Variants in POPDC3 observed in about 807,000 individuals in gnomAD.
POPDC3 encodes popeye domain-containing protein 3.
Under a neutral mutation model 28.2 loss-of-function variants are expected in POPDC3, and 20 were observed. The ratio of observed to expected loss-of-function variants is 0.71; its 90% CI spans 0.50 to 1.03. The LOEUF (loss-of-function observed/expected upper bound fraction) is 1.03, where lower values mean the gene tolerates loss of function less well. Ranked by LOEUF, POPDC3 falls within the 50% of genes least tolerant of loss-of-function variation. The pLI is 0.00. For synonymous variants in POPDC3, 118 were observed against 124.1 expected (o/e 0.95, Z 0.33); for missense variants, 316 against 345.9 (o/e 0.91, Z 0.69).
chr6:105,179,936 C>A lies in POPDC3; in HGVS notation c.-355G>T, dbSNP rs2787113. 1 of 150,036 alleles carries A rather than the reference C, an allele frequency of 6.7e-6. No individual in the cohort carries two copies. Among genetic ancestry groups the A allele is most frequent in the Non-Finnish European group, 1.5e-5 (1 of 67,478 alleles). The allele number at this position is 150,036 out of a possible 1,614,324, so 9.3% of individuals were successfully genotyped here. A position where few individuals can be genotyped will look rare whatever the true frequency, so the allele number is the denominator to read the frequency against. On this transcript the variant is annotated 5_prime_UTR_variant, in exon 1 of 4. Transcript: ENST00000254765. ...GCCCGCGCGGAAGCCCTCAGCGTCC[C>A]CCTCGTGAGTGCCTCGCCGCCCACC... is the stretch of plus-strand genomic sequence containing the variant.
intron 1 of POPDC3, among the ~76,000 whole-genome samples, chr6:105,162,683 T>G (rs926855165): frequency 2.0e-5 from 3 of 152,202 alleles, no homozygotes; most frequent in African/African-American, 7.2e-5. Flanking sequence ...TGAGCCGAGA[T>G]CATCTTACCA....
chr6:105,173,756 TAAC>T (rs920933087), intron 1 of POPDC3, among the ~76,000 whole-genome samples: 2 of 151,642 alleles, frequency 1.3e-5, no homozygotes, highest in African/African-American at 4.9e-5. Context: ...TAAAACAAGA[TAAC>T]AATCATTATG....
chr6:105,164,114 C>T (rs1361525779), intron 1 of POPDC3, among the ~76,000 whole-genome samples: 1 of 152,200 alleles, frequency 6.6e-6, no homozygotes, highest in Non-Finnish European at 1.5e-5. Flanking sequence ...TTAAATCAAT[C>T]AATTCTTCAG....
chr6:105,158,973 T>G, intron 3 of POPDC3: 1 of 385,178 alleles, frequency 2.6e-6, no homozygotes, highest in Non-Finnish European at 4.6e-6. Context: ...ATCTTCAATC[T>G]GTCTGTTTTT....
In POPDC3 at chr6:105,158,140, G is replaced by T; in HGVS notation, c.*330C>A. The T allele has an allele frequency of 4.8e-6, 1 of 206,754 alleles. No individual in the cohort carries two copies. The allele number at this position is 206,754 out of a possible 1,614,324, so 12.8% of individuals were successfully genotyped here. A position where few individuals can be genotyped will look rare whatever the true frequency, so the allele number is the denominator to read the frequency against. ...CTCTTTCTTGAGAAGCAACTCCTGA[G>T]TCTATAGGGCAAGACAATGCATTTG... On this transcript the variant is annotated 3_prime_UTR_variant, in exon 4 of 4. Transcript: ENST00000254765.
rs1159485227 is a variant in POPDC3, at chr6:105,158,574, A to G, written c.772T>C (p.Tyr258His). The G allele has an allele frequency of 8.1e-6, 13 of 1,614,102 alleles. No homozygotes were observed. The highest frequency in any genetic ancestry group is 1.1e-5 in the Non-Finnish European group (13 of 1,179,928). The change falls in exon 4 of 4, where the codon TAT (tyrosine) becomes CAT (histidine). Residue 258 changes from tyrosine to histidine, a missense_variant. Coordinates refer to ENST00000254765, the MANE Select transcript of POPDC3 (RefSeq NM_022361.5). ...TAGAAGTTGGGTAGCCGAATATCATAGTGATATCTTTTTCCTATATATACC... is the reference window on the plus strand; with the variant it reads ...TAGAAGTTGGGTAGCCGAATATCATGGTGATATCTTTTTCCTATATATACC... ...DRVYIGKRYHYDIRLPNFYQM... is the reference protein window; with the variant it reads ...DRVYIGKRYHHDIRLPNFYQM...
chr6:105,162,273 GT>G, intron 1 of POPDC3, 113 bp from the exon 2 acceptor site: 1 of 436,642 alleles, frequency 2.3e-6, no homozygotes, highest in Non-Finnish European at 3.1e-6. Context: ...TTTCTATGAA[GT>G]TAGAGTATTT....
In POPDC3 at chr6:105,161,911, G is replaced by A. The variant is rs1465626713; in HGVS notation, c.-2C>T. On this transcript the variant is annotated 5_prime_UTR_variant, in exon 2 of 4. Transcript: ENST00000254765. ...CCATAAACTTGAATTTCTTTCCATGGCTGTATTACTGCCTGCTTCACTTTT... is the reference window on the plus strand; with the variant it reads ...CCATAAACTTGAATTTCTTTCCATGACTGTATTACTGCCTGCTTCACTTTT... The A allele has an allele frequency of 1.3e-6, 2 of 1,588,608 alleles. No individual in the cohort carries two copies. The highest frequency in any genetic ancestry group is 1.7e-6 in the Non-Finnish European group (2 of 1,169,272).
At chr6:105,162,618 G>C (rs1211753651) in intron 1 of POPDC3, among the ~76,000 whole-genome samples, 1 of 152,198 alleles carries the variant, frequency 6.6e-6, no homozygotes, top group African/African-American at 2.4e-5. Context: ...TGGGATCCCA[G>C]CTACTCAGGA....
intron 1 of POPDC3, among the ~76,000 whole-genome samples, chr6:105,172,201 AC>A (rs1774590575): frequency 1.3e-5 from 2 of 151,154 alleles, no homozygotes; most frequent in South Asian, 4.2e-4. Flanking sequence ...AAAACAAACA[AC>A]CTCATCAACA....
chr6:105,173,667 C>A (rs1369011980), intron 1 of POPDC3, among the ~76,000 whole-genome samples: 2 of 152,094 alleles, frequency 1.3e-5, no homozygotes, highest in Non-Finnish European at 2.9e-5. Context: ...CTGTTTATAC[C>A]ATGCTACACT....
At chr6:105,171,734 A>AACACCGCAT (rs1195391784) in intron 1 of POPDC3, among the ~76,000 whole-genome samples, 3 of 151,304 alleles carry the variant, frequency 2.0e-5, no homozygotes, top group African/African-American at 7.3e-5. Flanking sequence ...CCTGCATTTT[A>AACACCGCAT]GTGAAATTCC....
intron 1 of POPDC3, among the ~76,000 whole-genome samples, chr6:105,173,867 AC>A (rs112432353): frequency 0.039 from 5,593 of 142,064 alleles, 131 homozygotes; most frequent in African/African-American, 0.065. Context: ...AAAAAAAAAA[AC>A]CCTGAAATTA....
At chr6:105,174,825 G>T (rs1774652455) in intron 1 of POPDC3, among the ~76,000 whole-genome samples, 1 of 152,188 alleles carries the variant, frequency 6.6e-6, no homozygotes, top group African/African-American at 2.4e-5. Flanking sequence ...CATGGTAAAA[G>T]AACCAGTGAT....
chr6:105,165,323 A>G (rs1240033376), intron 1 of POPDC3, among the ~76,000 whole-genome samples: 1 of 152,264 alleles, frequency 6.6e-6, no homozygotes, highest in Non-Finnish European at 1.5e-5. Flanking sequence ...TGTAACTCTT[A>G]GAATACTGCT....
At chr6:105,162,857 G>A (rs1439064985) in intron 1 of POPDC3, among the ~76,000 whole-genome samples, 1 of 152,100 alleles carries the variant, frequency 6.6e-6, no homozygotes, top group Non-Finnish European at 1.5e-5. Context: ...TTAATCCATG[G>A]TCCTCCATGG....
intron 1 of POPDC3, among the ~76,000 whole-genome samples, chr6:105,167,640 G>A (rs997221379): frequency 6.6e-6 from 1 of 151,570 alleles, no homozygotes; most frequent in Non-Finnish European, 1.5e-5. Context: ...CCAGCTACTC[G>A]GGAGGCTGAG....
intron 1 of POPDC3, among the ~76,000 whole-genome samples, chr6:105,170,597 G>A (rs1020982131): frequency 1.3e-5 from 2 of 152,098 alleles, no homozygotes; most frequent in African/African-American, 2.4e-5. Context: ...TAGATATCAC[G>A]CTTATTGTCT....
At chr6:105,170,666 A>G (rs907046864) in intron 1 of POPDC3, among the ~76,000 whole-genome samples, 1 of 152,188 alleles carries the variant, frequency 6.6e-6, no homozygotes, top group Non-Finnish European at 1.5e-5. Flanking sequence ...AGTCAATTCC[A>G]CTGTAACACA....
Sources: allele counts gnomAD v4.1 joint callset (sites outside exome capture counted in the v4.1 genomes callset), GRCh38; gene constraint gnomAD v4.1.1; transcripts MANE v1.5; gene names NCBI Gene and HGNC (gene_info 2026-07-23, HGNC 2026-07-21).